The following METTL15 variants were observed in gnomAD, a reference collection of about 807,000 sequenced individuals.
METTL15 encodes the protein methyltransferase 15, mitochondrial 12S rRNA N4-cytidine.
METTL15 carries 34 observed loss-of-function variants against 38.3 expected under a neutral mutation model. That is an observed-to-expected ratio of 0.89 (90% CI 0.68 to 1.18). The LOEUF (loss-of-function observed/expected upper bound fraction) is 1.18. Ranked by LOEUF, METTL15 falls within the 50% of genes most tolerant of loss-of-function variation. The pLI is 0.00. For synonymous variants in METTL15, 162 were observed against 170.9 expected (o/e 0.95, Z 0.41); for missense variants, 438 against 498.4 (o/e 0.88, Z 1.15).
rs116930621 is a variant in METTL15, at chr11:28,298,184, G to A, written c.778+1253G>A. Among the ~76,000 whole-genome samples, 1,465 of 151,952 alleles carry A rather than the reference G, an allele frequency of 9.6e-3. 71 individuals are homozygous for A. The highest frequency in any genetic ancestry group is 0.083 in the Admixed American group (1,258 of 15,230). The stretch of plus-strand genomic sequence containing the variant: ...AAAAAAGTGTGTATACCAGCATGCC[G>A]ACATTAAAGTCATCCCCTGTCTGGT... On this transcript the variant is annotated intron_variant, in intron 6 of 6. Transcript: ENST00000407364.
chr11:28,311,003 TGAGA>T lies in METTL15; in HGVS notation c.778+14090_778+14093del, dbSNP rs150856463. Among the ~76,000 whole-genome samples, 407 of 119,196 alleles carry T rather than the reference TGAGA, an allele frequency of 3.4e-3. 7 individuals carry two copies. Among genetic ancestry groups the T allele is most frequent in the African/African-American group, 0.014 (365 of 26,094 alleles). The allele number at this position is 119,196 out of a possible 152,430, so 78.2% of individuals were successfully genotyped here. On this transcript the variant is annotated intron_variant, in intron 6 of 6. Coordinates refer to ENST00000407364, the MANE Select transcript of METTL15 (RefSeq NM_001113528.2). ...GTGTGTGTGTGTGTGTGTGTGTGTGTGAGAGAGAGAGAGAGAGAGAGGAAGAGAG... is the reference window on the plus strand; with the variant it reads ...GTGTGTGTGTGTGTGTGTGTGTGTGTGAGAGAGAGAGAGAGAGGAAGAGAG...
chr11:28,405,904 G>C (rs190898992), intron 5 of METTL15, among the ~76,000 whole-genome samples: 4 of 152,238 alleles, frequency 2.6e-5, no homozygotes, highest in Non-Finnish European at 4.4e-5. Context: ...GTTGAAGAAA[G>C]ATCAGATGGT....
At chr11:28,264,664 T>G (rs916709652) in intron 4 of METTL15, among the ~76,000 whole-genome samples, 1 of 152,120 alleles carries the variant, frequency 6.6e-6, no homozygotes, top group African/African-American at 2.4e-5. Flanking sequence ...TGCCCTAGAA[T>G]GCAATTTCCT....
At chr11:28,430,585 C>T (rs757697359) in intron 6 of METTL15, among the ~76,000 whole-genome samples, 2,186 of 25,204 alleles carry the variant, frequency 0.087, 267 homozygotes, top group Admixed American at 0.17. Flanking sequence ...GCCGCCCCGT[C>T]CGGGAGGGAG....
At chr11:28,280,774 G>A (rs1200610658) in intron 4 of METTL15, among the ~76,000 whole-genome samples, 1 of 144,050 alleles carries the variant, frequency 6.9e-6, no homozygotes, top group African/African-American at 2.6e-5. Context: ...TTGGCTATTT[G>A]TGAGCTGCTT....
intron 6 of METTL15, among the ~76,000 whole-genome samples, chr11:28,510,508 T>TAA (rs1851665216): frequency 6.6e-6 from 1 of 152,198 alleles, no homozygotes; most frequent in Non-Finnish European, 1.5e-5. Flanking sequence ...TGATTAATAA[T>TAA]CATAACAGTA....
intron 5 of METTL15, among the ~76,000 whole-genome samples, chr11:28,407,045 G>A (rs1244906578): frequency 1.3e-5 from 2 of 152,116 alleles, no homozygotes; most frequent in Non-Finnish European, 2.9e-5. Flanking sequence ...CACCTCAATC[G>A]TGGTCGATAA....
intron 6 of METTL15, among the ~76,000 whole-genome samples, chr11:28,518,512 T>C (rs1851738093): frequency 6.6e-6 from 1 of 152,200 alleles, no homozygotes; most frequent in Non-Finnish European, 1.5e-5. Context: ...GGAATGTCTA[T>C]AAGCATAATT....
At chr11:28,530,569 A>G (rs553911275), downstream of METTL15, among the ~76,000 whole-genome samples, 1 of 152,242 alleles carries the variant, frequency 6.6e-6, no homozygotes, top group South Asian at 2.1e-4. Flanking sequence ...TCCATGGTGT[A>G]AATAATATCA....
At chr11:28,190,441 C>T (rs986153617) in intron 3 of METTL15, among the ~76,000 whole-genome samples, 1 of 151,098 alleles carries the variant, frequency 6.6e-6, no homozygotes, top group Admixed American at 6.6e-5. Context: ...GACTACGTAA[C>T]TCTATTAAGA....
intron 4 of METTL15, among the ~76,000 whole-genome samples, chr11:28,234,817 C>T (rs1430578386): frequency 6.9e-6 from 1 of 144,884 alleles, no homozygotes; most frequent in African/African-American, 2.6e-5. Flanking sequence ...TAATTAGATC[C>T]CATTTGTCAA....
intron 6 of METTL15, among the ~76,000 whole-genome samples, chr11:28,464,004 C>A (rs1416226858): frequency 6.6e-6 from 1 of 152,048 alleles, no homozygotes; most frequent in Non-Finnish European, 1.5e-5. Context: ...CGCAGTCATT[C>A]CTGCGCTATG....
At chr11:28,400,115 G>C (rs1477666684) in intron 5 of METTL15, among the ~76,000 whole-genome samples, 1 of 151,860 alleles carries the variant, frequency 6.6e-6, no homozygotes, top group South Asian at 2.1e-4. Flanking sequence ...GAGAAATCTT[G>C]CCATACAGAT....
chr11:28,408,239 G>T (rs1223279327), intron 5 of METTL15, among the ~76,000 whole-genome samples: 2 of 152,090 alleles, frequency 1.3e-5, no homozygotes, highest in South Asian at 4.1e-4. Flanking sequence ...GTTGATAGGC[G>T]CAGCACACCA....
Position 28,432,504 on chromosome 11 carries a change from G to A in METTL15, c.*424+8140G>A, listed in dbSNP as rs1480686749. ...ATTGTCCATTGAAGGCAAGAGGGGC[G>A]AATGCTCTCTTTCAGTCAGTGGTCT... On this transcript the variant is annotated intron_variant and NMD_transcript_variant, in intron 6 of 7. Transcript: ENST00000532947. Among the ~76,000 whole-genome samples, 8 of 152,298 alleles carry A rather than the reference G, an allele frequency of 5.3e-5. No individual in the cohort carries two copies. In the East Asian group the frequency reaches 9.6e-4, roughly 18 times the overall value.
intron 6 of METTL15, among the ~76,000 whole-genome samples, chr11:28,324,324 C>G (rs1403429320): frequency 6.6e-6 from 1 of 152,072 alleles, no homozygotes; most frequent in East Asian, 1.9e-4. Flanking sequence ...CCAAGTTTTA[C>G]CATTATATTA....
At chr11:28,279,620 G>T (rs1366863540) in intron 4 of METTL15, among the ~76,000 whole-genome samples, 1 of 152,124 alleles carries the variant, frequency 6.6e-6, no homozygotes, top group Non-Finnish European at 1.5e-5. Flanking sequence ...GACTAACATG[G>T]CCGGGTGCGG....
chr11:28,283,505 T>C (rs1056834005), intron 4 of METTL15, among the ~76,000 whole-genome samples: 2 of 152,210 alleles, frequency 1.3e-5, no homozygotes, highest in Non-Finnish European at 2.9e-5. Flanking sequence ...ATGATGAAGG[T>C]CCATGTTCCA....
intron 3 of METTL15, among the ~76,000 whole-genome samples, chr11:28,193,222 C>A (rs1362359139): frequency 1.3e-5 from 2 of 152,018 alleles, no homozygotes; most frequent in Admixed American, 6.6e-5. Flanking sequence ...AGTCAGTTCT[C>A]ACACTGCTAT....
Sources: gnomAD v4.1 joint callset for allele counts (sites outside exome capture counted in the v4.1 genomes callset) on GRCh38, gnomAD v4.1.1 for gene constraint, MANE v1.5 for transcripts, NCBI Gene and HGNC (gene_info 2026-07-23, HGNC 2026-07-21) for gene names.